The following DNAH9 variants were observed in gnomAD, a reference collection of about 807,000 sequenced individuals.
The protein encoded by DNAH9 is DNAH9 variant protein.
A neutral mutation model predicts 471.6 loss-of-function variants in DNAH9; 345 were observed. The observed-to-expected ratio is 0.73, with a 90% CI of 0.67 to 0.80. The LOEUF (loss-of-function observed/expected upper bound fraction) is 0.80, where lower values mean the gene tolerates loss of function less well. Ranked by LOEUF, DNAH9 falls within the 30% of genes least tolerant of loss-of-function variation. The pLI is 0.00. For missense variants in DNAH9, 5,407 were observed against 5,609.2 expected (o/e 0.96, Z 1.15); for synonymous variants, 2,093 against 2,123.6 (o/e 0.99, Z 0.40).
chr17:11,816,355 G>A (rs717788), intron 45 of DNAH9, among the ~76,000 whole-genome samples: 92,253 of 152,000 alleles, frequency 0.61, 28,109 homozygotes, highest in East Asian at 0.65. Context: ...TCGTTTATAC[G>A]GTCAGCTCTT....
At chr17:11,656,628 C>T (rs1442728504) in intron 14 of DNAH9, among the ~76,000 whole-genome samples, 1 of 152,106 alleles carries the variant, frequency 6.6e-6, no homozygotes, top group Non-Finnish European at 1.5e-5. Context: ...GTACAACGTA[C>T]AGACAAAAAG....
chr17:11,855,948 T>C (rs1971609090), intron 50 of DNAH9, among the ~76,000 whole-genome samples: 1 of 152,170 alleles, frequency 6.6e-6, no homozygotes, highest in Non-Finnish European at 1.5e-5. Flanking sequence ...TTCATGGGAC[T>C]ATTATGAGAA....
At chr17:11,909,560 C>G (rs997072619) in intron 61 of DNAH9, among the ~76,000 whole-genome samples, 3 of 152,186 alleles carry the variant, frequency 2.0e-5, no homozygotes, top group Non-Finnish European at 4.4e-5. Context: ...GGTGCTCCCC[C>G]ATGTGGCTTT....
chr17:11,639,984 CAA>C (rs960828966), intron 9 of DNAH9, among the ~76,000 whole-genome samples: 1 of 152,168 alleles, frequency 6.6e-6, no homozygotes, highest in African/African-American at 2.4e-5. Context: ...GCCTGGGCGA[CAA>C]GAGTTAGACT....
intron 11 of DNAH9, among the ~76,000 whole-genome samples, chr17:11,645,918 C>T (rs1296585942): frequency 1.5e-5 from 2 of 133,828 alleles, no homozygotes; most frequent in African/African-American, 3.0e-5. Context: ...CTTGCTCTGT[C>T]GCCCAGATTG....
intron 59 of DNAH9, among the ~76,000 whole-genome samples, chr17:11,896,635 G>A (rs1285884861): frequency 6.6e-6 from 1 of 152,080 alleles, no homozygotes; most frequent in Non-Finnish European, 1.5e-5. Flanking sequence ...GCCTAAGAAT[G>A]ATTAAATAAA....
chr17:11,698,179 T>TATAATTAATAA (rs1567728531), intron 22 of DNAH9, among the ~76,000 whole-genome samples: 18 of 5,838 alleles, frequency 3.1e-3, no homozygotes, highest in Non-Finnish European at 7.6e-3. Context: ...TATTAATATA[T>TATAATTAATAA]TATTATATTA....
rs1355530370 is a variant in DNAH9 at position 11,651,083 on chromosome 17, G to C, written c.2112G>C (p.Leu704=). 1.1e-5 allele frequency: 17 copies of C among 1,613,340 alleles called. No homozygotes were observed. Among genetic ancestry groups the C allele is most frequent in the Middle Eastern group, 3.3e-4 (2 of 6,080 alleles). The change falls in exon 13 of 69, where the codon CTG becomes CTC. Residue 704 remains leucine (L), a synonymous_variant. Coordinates refer to ENST00000262442, the MANE Select transcript of DNAH9 (RefSeq NM_001372.4). Reference sequence around the variant, plus strand: ...CTTTTCTCCAGCTGATTTCAGTGCTGAAAGAAATGAGCTATCTTGAACCCA... The same window carrying C: ...CTTTTCTCCAGCTGATTTCAGTGCTCAAAGAAATGAGCTATCTTGAACCCA... ...INFNPQLISV[L]KEMSYLEPRE... is the part of the protein sequence containing the mutation.
Position 11,664,963 on chromosome 17 carries a change from A to C in DNAH9, c.2726A>C (p.Asn909Thr), listed in dbSNP as rs1254782234. 6.2e-7 allele frequency: 1 copy of C among 1,612,580 alleles called. No homozygotes were observed. Among genetic ancestry groups the C allele is most frequent in the African/African-American group, 1.3e-5 (1 of 74,894 alleles). The change falls in exon 15 of 69, where the codon AAT (asparagine) becomes ACT (threonine). Residue 909 changes from asparagine to threonine, a missense_variant. Coordinates refer to ENST00000262442, the MANE Select transcript of DNAH9 (RefSeq NM_001372.4). ...TGCTCCCTCAAGTATCTTCTGGAAA[A>C]TACTGGTACTTACTGGCTTATGGAT... Reference protein sequence around the residue: ...IECSLKYLLENTECKAGLTPI... With the variant: ...IECSLKYLLETTECKAGLTPI...
At chr17:11,721,309 G>T (rs1041617251) in intron 27 of DNAH9, among the ~76,000 whole-genome samples, 1 of 151,598 alleles carries the variant, frequency 6.6e-6, no homozygotes, top group Admixed American at 6.6e-5. Flanking sequence ...TTGTTTGTTT[G>T]TTTTTCAACT....
At chr17:11,901,588 C>G (rs1370192027) in intron 59 of DNAH9, among the ~76,000 whole-genome samples, 1 of 152,108 alleles carries the variant, frequency 6.6e-6, no homozygotes, top group African/African-American at 2.4e-5. Flanking sequence ...CCCAGCTACT[C>G]GGGAGGCTGA....
At chr17:11,778,178 C>T (rs1012186666) in intron 38 of DNAH9, among the ~76,000 whole-genome samples, 2 of 151,262 alleles carry the variant, frequency 1.3e-5, no homozygotes, top group African/African-American at 4.8e-5. Flanking sequence ...CAGAGCAAAG[C>T]CATGGGTCAG....
chr17:11,622,243 AAG>A (rs1026023737), intron 6 of DNAH9, among the ~76,000 whole-genome samples: 16 of 152,216 alleles, frequency 1.1e-4, no homozygotes, highest in African/African-American at 3.6e-4. Flanking sequence ...GAAGGGCATA[AAG>A]AGAGAAAATG....
intron 31 of DNAH9, 40 bp from the exon 32 acceptor site, chr17:11,747,516 C>A: frequency 1.3e-6 from 2 of 1,559,634 alleles, no homozygotes; most frequent in South Asian, 2.2e-5. Flanking sequence ...GCAGGTGAGT[C>A]ACAGGCTGGT....
chr17:11,865,278 A>G (rs1243278441), intron 50 of DNAH9, among the ~76,000 whole-genome samples: 1 of 151,998 alleles, frequency 6.6e-6, no homozygotes, highest in African/African-American at 2.4e-5. Context: ...TTCACTTATG[A>G]AGCTTAGTTT....
chr17:11,698,019 A>G (rs1480923065), intron 22 of DNAH9, among the ~76,000 whole-genome samples: 1 of 147,484 alleles, frequency 6.8e-6, no homozygotes, highest in African/African-American at 2.5e-5. Context: ...ATGTAAAGTT[A>G]TATATAATTA....
chr17:11,762,929 G>A lies in DNAH9; in HGVS notation c.6996-511G>A, dbSNP rs1207952264. On this transcript the variant is annotated intron_variant, in intron 35 of 68. Coordinates refer to ENST00000262442, the MANE Select transcript of DNAH9 (RefSeq NM_001372.4). ...CAAGTAGCTGGGAGTACAGGTGCCC[G>A]CCACCGTGCCCGGCTAATTTTTTGT... 3.3e-5 allele frequency among the ~76,000 whole-genome samples: 5 copies of A among 151,618 alleles called. No individual in the cohort carries two copies. In the East Asian group the frequency reaches 5.9e-4, roughly 18 times the overall value.
chr17:11,821,040 G>T (rs1697768476), intron 45 of DNAH9, among the ~76,000 whole-genome samples: 1 of 152,112 alleles, frequency 6.6e-6, no homozygotes, highest in Non-Finnish European at 1.5e-5. Context: ...CCAGCACTTT[G>T]GGAGGCCGAG....
intron 43 of DNAH9, among the ~76,000 whole-genome samples, chr17:11,807,451 A>G (rs1969731151): frequency 6.6e-6 from 1 of 152,068 alleles, no homozygotes; most frequent in Non-Finnish European, 1.5e-5. Context: ...TCCCTTCCCT[A>G]TCGCATCACT....
Sources: gnomAD v4.1 joint callset for allele counts (sites outside exome capture counted in the v4.1 genomes callset) on GRCh38, gnomAD v4.1.1 for gene constraint, MANE v1.5 for transcripts, NCBI Gene and HGNC (gene_info 2026-07-23, HGNC 2026-07-21) for gene names.